The following POLR3B variants were observed in gnomAD, a reference collection of about 807,000 sequenced individuals.
POLR3B encodes the protein RNA polymerase III subunit B.
A neutral mutation model predicts 147.4 loss-of-function variants in POLR3B; 96 were observed. The observed-to-expected ratio is 0.65, with a 90% CI of 0.55 to 0.77. The LOEUF (loss-of-function observed/expected upper bound fraction) is 0.77, where lower values mean the gene tolerates loss of function less well. Ranked by LOEUF, POLR3B falls within the 30% of genes least tolerant of loss-of-function variation. The probability of loss-of-function intolerance (pLI) is 0.00; values close to 1 mark genes in which losing one functional copy is unlikely to be tolerated. For synonymous variants in POLR3B, 461 were observed against 485.9 expected, an observed-to-expected ratio of 0.95 and a Z score of 0.67; for missense variants, 1,036 against 1,413.5, an observed-to-expected ratio of 0.73 and a Z score of 4.28.
intron 6 of POLR3B, among the ~76,000 whole-genome samples, chr12:106,372,068 A>G (rs1241640643): frequency 6.6e-6 from 1 of 152,242 alleles, no homozygotes; most frequent in Non-Finnish European, 1.5e-5. Flanking sequence ...ACCTCTAGTC[A>G]TTAGAATGCT....
chr12:106,391,873 A>G (rs1385738144), intron 9 of POLR3B, among the ~76,000 whole-genome samples: 1 of 152,186 alleles, frequency 6.6e-6, no homozygotes, highest in Non-Finnish European at 1.5e-5. Context: ...TAGGGCATCA[A>G]CACTAACTAC....
At position 106,357,836 on chromosome 12, in the gene POLR3B, CGGGCGCGGAGGTTCTATCT is replaced by C; in HGVS notation, c.-42_-24del. On this transcript the variant is annotated 5_prime_UTR_variant, in exon 1 of 28. Transcript: ENST00000228347. The stretch of plus-strand genomic sequence containing the variant: ...TGCAGTTTGCTTGGTGCAGGGAAGG[CGGGCGCGGAGGTTCTATCT>C]GTTTCTTCCTCCTTCGTGAGCAGCA... The C allele has an allele frequency of 6.3e-7, 1 of 1,583,314 alleles. No homozygotes were observed. The highest frequency in any genetic ancestry group is 2.3e-5 in the East Asian group (1 of 44,272).
intron 27 of POLR3B, among the ~76,000 whole-genome samples, chr12:106,506,987 TG>T (rs2137093422): frequency 6.6e-6 from 1 of 152,252 alleles, no homozygotes; most frequent in South Asian, 2.1e-4. Flanking sequence ...TTCGGAACCT[TG>T]AAACTGGCCT....
chr12:106,488,670 T>A (rs771140392), intron 23 of POLR3B, among the ~76,000 whole-genome samples: 3 of 152,218 alleles, frequency 2.0e-5, no homozygotes, highest in Non-Finnish European at 4.4e-5. Flanking sequence ...GACATTCACA[T>A]ATGCTGATTG....
At chr12:106,465,309 A>C (rs1178176676) in intron 23 of POLR3B, among the ~76,000 whole-genome samples, 1 of 152,178 alleles carries the variant, frequency 6.6e-6, no homozygotes, top group Non-Finnish European at 1.5e-5. Context: ...TGGAAGCTTC[A>C]CAAGAATGTA....
intron 2 of POLR3B, among the ~76,000 whole-genome samples, chr12:106,365,076 A>G (rs1375569316): frequency 2.0e-5 from 3 of 152,158 alleles, no homozygotes; most frequent in Admixed American, 2.0e-4. Flanking sequence ...CAGAGGTTGC[A>G]GTGAGCCGAG....
chr12:106,440,346 T>C (rs1267226363), intron 18 of POLR3B, among the ~76,000 whole-genome samples: 1 of 152,198 alleles, frequency 6.6e-6, no homozygotes, highest in Admixed American at 6.5e-5. Context: ...TTTTGACACC[T>C]GTTCCCATAT....
chr12:106,365,784 G>T (rs1226143818), intron 2 of POLR3B, among the ~76,000 whole-genome samples: 1 of 151,930 alleles, frequency 6.6e-6, no homozygotes, highest in Non-Finnish European at 1.5e-5. Context: ...GCTTGATGCA[G>T]GGAGGCGGAC....
At chr12:106,447,781 A>G (rs558284835) in intron 19 of POLR3B, among the ~76,000 whole-genome samples, 7 of 152,314 alleles carry the variant, frequency 4.6e-5, no homozygotes, top group African/African-American at 1.7e-4. Context: ...CCAGACCTCA[A>G]CAGTGGCTTC....
rs544706864 is a variant in POLR3B at position 106,401,417 on chromosome 12, G to A, written c.847-4440G>A. 3.0e-3 allele frequency among the ~76,000 whole-genome samples: 461 copies of A among 152,242 alleles called. 1 individual carries two copies. Among genetic ancestry groups the A allele is most frequent in the African/African-American group, 9.4e-3 (389 of 41,552 alleles). On this transcript the variant is annotated intron_variant, in intron 10 of 27. Transcript: ENST00000228347. ...AGCTGGTACCATTCCTTCTGAAACT[G>A]TTCCAATCAATAGAAAAAGAGGGAA...
rs370617854 is a variant in POLR3B at position 106,507,366 on chromosome 12, A to G, written c.3273-2054A>G. ...GATGGAGAAGTATTTAATAATAGAGAAGATTAAAGGGCTTTCTGGAATATG... is the reference window on the plus strand; with the variant it reads ...GATGGAGAAGTATTTAATAATAGAGGAGATTAAAGGGCTTTCTGGAATATG... On this transcript the variant is annotated intron_variant, in intron 27 of 27. Transcript: ENST00000228347. Among the ~76,000 whole-genome samples, 342 of 152,320 alleles carry G rather than the reference A, an allele frequency of 2.2e-3. 2 individuals are homozygous for G. The highest frequency in any genetic ancestry group is 6.8e-3 in the Middle Eastern group (2 of 294).
In POLR3B at chr12:106,457,039, G is replaced by C. The variant is rs1415498085; in HGVS notation, c.2294-99G>C. 4.1e-6 allele frequency: 4 copies of C among 979,368 alleles called. No homozygotes were observed. In the Admixed American group the frequency reaches 7.2e-5, roughly 18 times the overall value. 60.7% of individuals were successfully genotyped at this position (979,368 alleles called of 1,614,324 possible). ...TACAGAGAAGTTTTGGGATTTGGGG[G>C]AGGGTGAGGTGGAGTGGATTGTTGA... On this transcript the variant is annotated intron_variant, in intron 20 of 27. Transcript: ENST00000228347.
chr12:106,461,056 G>C (rs1024832572), intron 22 of POLR3B, among the ~76,000 whole-genome samples: 1 of 151,984 alleles, frequency 6.6e-6, no homozygotes. Context: ...TCCAGAAGAG[G>C]TCACCAAAGA....
At chr12:106,444,412 T>G (rs755216874) in intron 18 of POLR3B, 51 bp from the exon 19 acceptor site, 1 of 1,599,878 alleles carries the variant, frequency 6.3e-7, no homozygotes, top group Non-Finnish European at 8.6e-7. Context: ...TAAAAGACAT[T>G]TATTTTTGTA....
intron 26 of POLR3B, among the ~76,000 whole-genome samples, chr12:106,502,158 T>C (rs1218175731): frequency 6.6e-6 from 1 of 152,058 alleles, no homozygotes; most frequent in Non-Finnish European, 1.5e-5. Context: ...ATGTCCCAAC[T>C]TGGTGCTGGG....
intron 8 of POLR3B, 128 bp downstream of exon 8, chr12:106,378,512 C>A: frequency 1.6e-6 from 1 of 639,324 alleles, no homozygotes. Flanking sequence ...TTTAAGCTAT[C>A]TGCATTCAAT....
chr12:106,479,476 G>C (rs2038231881), intron 23 of POLR3B, among the ~76,000 whole-genome samples: 1 of 151,670 alleles, frequency 6.6e-6, no homozygotes, highest in Non-Finnish European at 1.5e-5. Flanking sequence ...TGCCTCCTGG[G>C]TTCATGCCAT....
At chr12:106,437,034 T>A in intron 16 of POLR3B, 23 bp from the exon 17 acceptor site, 1 of 1,589,154 alleles carries the variant, frequency 6.3e-7, no homozygotes, top group Non-Finnish European at 8.6e-7. Context: ...TATTATTAAT[T>A]TGGTTTGCTG....
intron 23 of POLR3B, among the ~76,000 whole-genome samples, chr12:106,475,595 G>A (rs1448057029): frequency 2.4e-5 from 3 of 126,868 alleles, no homozygotes; most frequent in African/African-American, 1.1e-4. Flanking sequence ...TCCTCTTGTT[G>A]AATTGATCCC....
Sources: gnomAD v4.1 joint callset for allele counts (sites outside exome capture counted in the v4.1 genomes callset) on GRCh38, gnomAD v4.1.1 for gene constraint, MANE v1.5 for transcripts, NCBI Gene and HGNC (gene_info 2026-07-23, HGNC 2026-07-21) for gene names.